Variants in NFAT5 observed in about 807,000 individuals in gnomAD.
NFAT5 encodes nuclear factor of activated T cells 5, also known as nuclear factor of activated T-cells 5.
Under a neutral mutation model 166.5 loss-of-function variants are expected in NFAT5, and 31 were observed. The ratio of observed to expected loss-of-function variants is 0.19; its 90% CI spans 0.14 to 0.25. The LOEUF (loss-of-function observed/expected upper bound fraction) is 0.25. NFAT5 is among the 10% of genes least tolerant of loss of function. NFAT5 has a pLI of 1.00. For missense variants in NFAT5, 1,449 were observed against 1,821.8 expected (o/e 0.80, Z 3.72); for synonymous variants, 612 against 639.7 (o/e 0.96, Z 0.65).
intron 2 of NFAT5, among the ~76,000 whole-genome samples, chr16:69,592,202 C>T (rs2032507405): frequency 6.7e-6 from 1 of 150,272 alleles, no homozygotes; most frequent in African/African-American, 2.5e-5. Flanking sequence ...GCCTCAACCT[C>T]CCAAGTAGCT....
intron 11 of NFAT5, among the ~76,000 whole-genome samples, chr16:69,688,344 G>T (rs1465157703): frequency 1.3e-5 from 2 of 151,018 alleles, no homozygotes; most frequent in Non-Finnish European, 2.9e-5. Context: ...TTTTTAAAAA[G>T]AAAAATACAG....
intron 6 of NFAT5, 66 bp from the exon 7 acceptor site, chr16:69,659,661 T>C: frequency 7.6e-7 from 1 of 1,309,888 alleles, no homozygotes; most frequent in South Asian, 2.0e-5. Context: ...AACAAACTTG[T>C]TGATTAAGAA....
At chr16:69,618,169 A>C (rs916429564) in intron 2 of NFAT5, among the ~76,000 whole-genome samples, 1 of 152,078 alleles carries the variant, frequency 6.6e-6, no homozygotes, top group Non-Finnish European at 1.5e-5. Flanking sequence ...AAAAAAAAAA[A>C]AAAAAACTCT....
At chr16:69,655,539 A>T (rs913409753) in intron 5 of NFAT5, 70 bp from the exon 6 acceptor site, 33 of 1,260,970 alleles carry the variant, frequency 2.6e-5, no homozygotes, top group Non-Finnish European at 1.1e-6. Flanking sequence ...TTGGTCTTAA[A>T]TATTTGATTT....
intron 10 of NFAT5, among the ~76,000 whole-genome samples, chr16:69,680,343 C>T (rs915109983): frequency 1.4e-4 from 22 of 152,132 alleles, no homozygotes; most frequent in Admixed American, 1.4e-3. Flanking sequence ...ATCCTGAAAA[C>T]ACTGAGATTT....
chr16:69,684,253 C>G (rs1413944158), intron 10 of NFAT5, among the ~76,000 whole-genome samples: 1 of 63,160 alleles, frequency 1.6e-5, no homozygotes, highest in Non-Finnish European at 2.6e-5. Context: ...GCGAGACTGC[C>G]TCAAAAAAAA....
intron 3 of NFAT5, among the ~76,000 whole-genome samples, chr16:69,629,913 G>A (rs1408438676): frequency 6.6e-6 from 1 of 150,678 alleles, no homozygotes; most frequent in African/African-American, 2.4e-5. Context: ...GGAACCACAG[G>A]CATATGCCAC....
chr16:69,600,033 T>C (rs964791546), intron 2 of NFAT5, among the ~76,000 whole-genome samples: 3 of 152,126 alleles, frequency 2.0e-5, no homozygotes, highest in Non-Finnish European at 2.9e-5. Flanking sequence ...TAGGAGGTAA[T>C]TGAAGTAGTT....
chr16:69,648,700 C>A, intron 4 of NFAT5: 3 of 965,982 alleles, frequency 3.1e-6, no homozygotes, highest in Non-Finnish European at 3.7e-6. Flanking sequence ...TTGTATAGTA[C>A]ATTCAAAATA....
rs577846501 is a variant in NFAT5 at position 69,639,066 on chromosome 16, C to T, written c.254-7962C>T. Among the ~76,000 whole-genome samples, 45 of 152,280 alleles carry T rather than the reference C, an allele frequency of 3.0e-4. No individual in the cohort carries two copies. The South Asian group carries it at 9.3e-3, about 32-fold the overall frequency. ...TTAAATTATTGGAGATAGAAGATTA[C>T]ATCTGGATATTAGTCTCTTCATTCA... On this transcript the variant is annotated intron_variant, in intron 3 of 14. Coordinates refer to ENST00000349945, the MANE Select transcript of NFAT5 (RefSeq NM_138713.4).
At chr16:69,586,821 C>G (rs1442968054) in intron 2 of NFAT5, among the ~76,000 whole-genome samples, 3 of 152,112 alleles carry the variant, frequency 2.0e-5, no homozygotes, top group African/African-American at 7.2e-5. Context: ...ATAAATATCA[C>G]AGAATTATGG....
Position 69,692,179 on chromosome 16 carries a change from G to C in NFAT5, c.2354G>C (p.Ser785Thr). ...TCAAATATTTTTCCATCACCAAATAGTGTGAGTCAGCTTCAGAATACTATT... is the reference window on the plus strand; with the variant it reads ...TCAAATATTTTTCCATCACCAAATACTGTGAGTCAGCTTCAGAATACTATT... ...ISSNIFPSPNSVSQLQNTIQQ... is the reference protein window; with the variant it reads ...ISSNIFPSPNTVSQLQNTIQQ... The change falls in exon 13 of 15, where the codon AGT becomes ACT. Residue 785 changes from serine to threonine, a missense_variant. Transcript: ENST00000349945. 1 of 1,614,204 alleles carries C rather than the reference G, an allele frequency of 6.2e-7. No homozygotes were observed. Among genetic ancestry groups the C allele is most frequent in the Non-Finnish European group, 8.5e-7 (1 of 1,180,046 alleles).
chr16:69,625,301 T>G (rs2034405076), intron 2 of NFAT5, among the ~76,000 whole-genome samples: 1 of 151,930 alleles, frequency 6.6e-6, no homozygotes, highest in Non-Finnish European at 1.5e-5. Flanking sequence ...TAAAGGATAT[T>G]TTAAAAAGTT....
In NFAT5 at chr16:69,620,485, G is replaced by A. The variant is rs150620776; in HGVS notation, c.128-5918G>A. Among the ~76,000 whole-genome samples, 4 of 152,286 alleles carry A rather than the reference G, an allele frequency of 2.6e-5. No individual in the cohort carries two copies. The East Asian group carries it at 7.7e-4, about 29-fold the overall frequency. On this transcript the variant is annotated intron_variant, in intron 2 of 14. Transcript: ENST00000349945. ...ATGGTGGCTCACGCCTGTAATTCTAGCACTTTGGAAGGCCAAGGCAGGAGG... is the reference window on the plus strand; with the variant it reads ...ATGGTGGCTCACGCCTGTAATTCTAACACTTTGGAAGGCCAAGGCAGGAGG...
chr16:69,671,551 A>T (rs923486922), intron 9 of NFAT5, among the ~76,000 whole-genome samples: 1 of 152,190 alleles, frequency 6.6e-6, no homozygotes, highest in Non-Finnish European at 1.5e-5. Context: ...TTGTATTTTT[A>T]GAAGAGACGG....
intron 7 of NFAT5, among the ~76,000 whole-genome samples, chr16:69,661,099 T>G (rs1367802708): frequency 6.8e-6 from 1 of 147,412 alleles, no homozygotes; most frequent in Non-Finnish European, 1.5e-5. Flanking sequence ...TTTTTTTTTT[T>G]GTTAGATTGT....
intron 2 of NFAT5, among the ~76,000 whole-genome samples, chr16:69,570,224 A>C (rs1162879695): frequency 6.6e-6 from 1 of 152,198 alleles, no homozygotes; most frequent in Non-Finnish European, 1.5e-5. Context: ...GAAATTATAT[A>C]TAAAATATAA....
At chr16:69,597,815 G>A (rs985306740) in intron 2 of NFAT5, among the ~76,000 whole-genome samples, 18 of 151,920 alleles carry the variant, frequency 1.2e-4, no homozygotes, top group Non-Finnish European at 1.9e-4. Flanking sequence ...GGATGGTCTC[G>A]GTCTCCTGAC....
intron 2 of NFAT5, among the ~76,000 whole-genome samples, chr16:69,578,694 G>A (rs1186874167): frequency 6.6e-6 from 1 of 151,806 alleles, no homozygotes; most frequent in Non-Finnish European, 1.5e-5. Flanking sequence ...TTTATAAGTA[G>A]CAACTTGTTG....
Sources: gnomAD v4.1 joint callset for allele counts (sites outside exome capture counted in the v4.1 genomes callset) on GRCh38, gnomAD v4.1.1 for gene constraint, MANE v1.5 for transcripts, NCBI Gene and HGNC (gene_info 2026-07-23, HGNC 2026-07-21) for gene names.